Variants in RIMBP2 observed in about 807,000 individuals in gnomAD.
The protein encoded by RIMBP2 is RIMS-binding protein 2.
Under a neutral mutation model 118.6 loss-of-function variants are expected in RIMBP2, and 48 were observed. That is an observed-to-expected ratio of 0.40 (90% CI 0.32 to 0.51). The LOEUF is 0.51. Ranked by LOEUF, RIMBP2 falls within the 20% of genes least tolerant of loss-of-function variation. RIMBP2 has a pLI of 0.41. For missense variants in RIMBP2, 1,551 were observed against 1,768.3 expected, an observed-to-expected ratio of 0.88 and a Z score of 2.20; for synonymous variants, 762 against 742.9, an observed-to-expected ratio of 1.03 and a Z score of -0.42.
intron 1 of RIMBP2, among the ~76,000 whole-genome samples, chr12:130,635,392 C>T (rs2062291601): frequency 6.6e-6 from 1 of 152,172 alleles, no homozygotes; most frequent in East Asian, 1.9e-4. Context: ...AGTCTTCAAC[C>T]TCTCTGTTGC....
At chr12:130,476,187 G>C (rs529395349) in intron 5 of RIMBP2, among the ~76,000 whole-genome samples, 1 of 152,138 alleles carries the variant, frequency 6.6e-6, no homozygotes, top group African/African-American at 2.4e-5. Flanking sequence ...CAAAGAAAAC[G>C]AGGACAGAGA....
chr12:130,474,707 T>A (rs1221894589), intron 5 of RIMBP2, among the ~76,000 whole-genome samples: 1 of 152,134 alleles, frequency 6.6e-6, no homozygotes, highest in East Asian at 1.9e-4. Flanking sequence ...TTTGGCACGG[T>A]CCAGGGAGAG....
chr12:130,627,566 C>G (rs1307790355), intron 2 of RIMBP2, among the ~76,000 whole-genome samples: 1 of 152,314 alleles, frequency 6.6e-6, no homozygotes, highest in East Asian at 1.9e-4. Context: ...GTAACTCAAA[C>G]TCAAAACTGG....
At chr12:130,687,341 A>G (rs780856355) in intron 1 of RIMBP2, among the ~76,000 whole-genome samples, 36 of 152,224 alleles carry the variant, frequency 2.4e-4, no homozygotes, top group Non-Finnish European at 4.4e-4. Context: ...TGTATTGCAT[A>G]ACTATTTCAG....
chr12:130,500,749 CCT>C lies in RIMBP2; in HGVS notation c.-4+5897_-4+5898del, dbSNP rs147325263. ...GTCTTAATTCACAGGCCGCATGTCC[CCT>C]CTTACCCCTCAGTCACTTTAGGACA... On this transcript the variant is annotated intron_variant, in intron 4 of 22. Coordinates refer to ENST00000690449, the MANE Select transcript of RIMBP2 (RefSeq NM_001393629.1). Among the ~76,000 whole-genome samples the C allele has an allele frequency of 4.5e-3, 680 of 152,216 alleles. 6 individuals are homozygous for C. The highest frequency in any genetic ancestry group is 0.016 in the African/African-American group (653 of 41,540).
At chr12:130,512,144 G>A (rs573751196) in intron 3 of RIMBP2, among the ~76,000 whole-genome samples, 30 of 152,282 alleles carry the variant, frequency 2.0e-4, no homozygotes, top group African/African-American at 7.0e-4. Context: ...GCCTGGGGCC[G>A]GTAGCCCAGA....
In RIMBP2 at chr12:130,576,445, AG is replaced by A. The variant is rs1398055730; in HGVS notation, c.-217+51876del. 1.3e-5 allele frequency among the ~76,000 whole-genome samples: 2 copies of A among 152,086 alleles called. No individual in the cohort carries two copies. Among genetic ancestry groups the A allele is most frequent in the Non-Finnish European group, 2.9e-5 (2 of 67,988 alleles). On this transcript the variant is annotated intron_variant, in intron 2 of 22. Transcript: ENST00000690449. The surrounding 1 kb of genome is among the most constrained non-coding windows in gnomAD (Gnocchi z 4.2). Reference sequence around the variant, plus strand: ...ACCCGTGGGCAGCTGGCAGGTGGCCAGCTGCATGCCGGCATCCAAGCTGTGC... The same window carrying A: ...ACCCGTGGGCAGCTGGCAGGTGGCCACTGCATGCCGGCATCCAAGCTGTGC...
At chr12:130,435,234 CAG>C (rs1396560658) in intron 13 of RIMBP2, among the ~76,000 whole-genome samples, 1 of 152,178 alleles carries the variant, frequency 6.6e-6, no homozygotes, top group East Asian at 1.9e-4. Flanking sequence ...TTAGTAGAGA[CAG>C]AGTTTCACTG....
chr12:130,668,385 G>T (rs2064045274), intron 1 of RIMBP2: 1 of 152,264 alleles, frequency 6.6e-6, no homozygotes, highest in South Asian at 2.1e-4. Context: ...ATGGACCTGG[G>T]ACGGGAGGCT....
intron 21 of RIMBP2, among the ~76,000 whole-genome samples, chr12:130,401,146 C>T (rs1177590926): frequency 4.6e-5 from 7 of 151,966 alleles, no homozygotes; most frequent in South Asian, 4.2e-4. Flanking sequence ...GACAGAGTCT[C>T]GCTCTGTCAC....
rs77679583 is a variant in RIMBP2 at position 130,397,654 on chromosome 12, G to T, written c.3901-105C>A. On this transcript the variant is annotated intron_variant, in intron 22 of 22. Coordinates refer to ENST00000690449, the MANE Select transcript of RIMBP2 (RefSeq NM_001393629.1). ...GTTTCCCACCAGGAAAGGTCAGGGG[G>T]GTTCATTTGTTCTTTCAGTTGTTGA... 2,769 of 396,894 alleles carry T rather than the reference G, an allele frequency of 7.0e-3. 65 individuals carry two copies. Among genetic ancestry groups the T allele is most frequent in the African/African-American group, 0.05 (2,436 of 48,654 alleles). The allele number at this position is 396,894 out of a possible 1,614,324, so 24.6% of individuals were successfully genotyped here.
chr12:130,398,924 A>G, intron 22 of RIMBP2: 1 of 320,684 alleles, frequency 3.1e-6, no homozygotes. Context: ...TTGCTTCACT[A>G]TAAATTCAGT....
Position 130,622,845 on chromosome 12 carries a change from C to T in RIMBP2, c.-217+5477G>A, listed in dbSNP as rs1466135646. Among the ~76,000 whole-genome samples, 4 of 152,172 alleles carry T rather than the reference C, an allele frequency of 2.6e-5. No individual in the cohort carries two copies. The highest frequency in any genetic ancestry group is 5.9e-5 in the Non-Finnish European group (4 of 68,038). ...AGACAAAATTTCTCTCTCTCTGACC[C>T]TGCTCAATGCTTAGATGTAACCTCT... On this transcript the variant is annotated intron_variant, in intron 2 of 22. Transcript: ENST00000690449. The surrounding 1 kb of genome is among the most constrained non-coding windows in gnomAD (Gnocchi z 8.5).
At chr12:130,438,544 C>G (rs2292666) in intron 11 of RIMBP2, 28 bp from the exon 12 acceptor site, 243,573 of 1,534,978 alleles carry the variant, frequency 0.16, 20,702 homozygotes, top group Admixed American at 0.26. Context: ...GGAACGGAGG[C>G]GTTCAGGGAC....
intron 17 of RIMBP2, among the ~76,000 whole-genome samples, chr12:130,417,964 CAGAG>C (rs2076200583): frequency 6.6e-6 from 1 of 152,038 alleles, no homozygotes. Context: ...CAGCTGGCAG[CAGAG>C]AGAGCAGCAT....
At position 130,703,071 on chromosome 12, in the gene RIMBP2, A is replaced by G. The variant is rs1458178628; in HGVS notation, c.-352+13151T>C. The stretch of plus-strand genomic sequence containing the variant: ...GCCCGGAGAAGTTCATTAGAACAGG[A>G]TTTTCCTGTAATGCCTCCAGGTCAC... On this transcript the variant is annotated intron_variant, in intron 1 of 22. Transcript: ENST00000690449. The surrounding 1 kb of genome is among the most constrained non-coding windows in gnomAD (Gnocchi z 5.7). Among the ~76,000 whole-genome samples the G allele has an allele frequency of 6.6e-6, 1 of 152,120 alleles. No individual in the cohort carries two copies. Among genetic ancestry groups the G allele is most frequent in the East Asian group, 1.9e-4 (1 of 5,186 alleles).
intron 2 of RIMBP2, among the ~76,000 whole-genome samples, chr12:130,615,459 T>C (rs2060871993): frequency 6.6e-6 from 1 of 151,656 alleles, no homozygotes; most frequent in African/African-American, 2.4e-5. Flanking sequence ...TACAGGCACC[T>C]GCCACCACAC....
chr12:130,596,422 C>A (rs2059565236), intron 2 of RIMBP2, among the ~76,000 whole-genome samples: 1 of 151,712 alleles, frequency 6.6e-6, no homozygotes, highest in African/African-American at 2.4e-5. Flanking sequence ...GCTCAGACAA[C>A]CTTGCCCAAG....
intron 2 of RIMBP2, among the ~76,000 whole-genome samples, chr12:130,533,402 A>G (rs1439768723): frequency 6.6e-6 from 1 of 152,252 alleles, no homozygotes; most frequent in Non-Finnish European, 1.5e-5. Context: ...AAGTCAAAAA[A>G]TAACAGATAC....
Sources: gnomAD v4.1 joint callset for allele counts (sites outside exome capture counted in the v4.1 genomes callset) on GRCh38, gnomAD v4.1.1 for gene constraint, Gnocchi (gnomAD v3.1) non-coding constraint, MANE v1.5 for transcripts, NCBI Gene and HGNC (gene_info 2026-07-23, HGNC 2026-07-21) for gene names.